The following BTBD8 variants were observed in gnomAD, a reference collection of about 807,000 sequenced individuals.
BTBD8 encodes the protein BTB domain containing 8.
In BTBD8, 110 loss-of-function variants were observed where a neutral mutation model predicts 162.9. The observed-to-expected ratio is 0.68, with a 90% confidence interval of 0.58 to 0.79. The LOEUF is 0.79. Among genes scored for constraint, BTBD8 ranks in the 30% least tolerant of loss-of-function variants. The pLI is 0.00. For missense variants in BTBD8, 1,905 were observed against 2,085.4 expected (o/e 0.91, Z 1.68); for synonymous variants, 667 against 716.1 (o/e 0.93, Z 1.10).
chr1:92,095,766 A>G (rs1648432493), intron 2 of BTBD8, among the ~76,000 whole-genome samples: 1 of 152,162 alleles, frequency 6.6e-6, no homozygotes, highest in South Asian at 2.1e-4. Flanking sequence ...CCTGTCTTCC[A>G]GTAATCTTGT....
At chr1:92,178,524 G>T (rs1462881743) in intron 16 of BTBD8, 73 bp downstream of exon 16, 2 of 1,247,354 alleles carry the variant, frequency 1.6e-6, no homozygotes, top group East Asian at 2.7e-5. Flanking sequence ...ACTCTGATTT[G>T]CAACTTCAGT....
At chr1:92,088,617 A>T in intron 1 of BTBD8, 81 bp from the exon 2 acceptor site, 1 of 1,146,624 alleles carries the variant, frequency 8.7e-7, no homozygotes, top group Non-Finnish European at 1.2e-6. Context: ...CTTATGTGTT[A>T]TTTTAAACCT....
Position 92,107,864 on chromosome 1 carries a change from CTTGT to C in BTBD8, c.545-17_545-14del. On this transcript the variant is annotated splice_polypyrimidine_tract_variant and intron_variant, in intron 3 of 17. Transcript: ENST00000636805. ...TTGTAATATTAAACTATTTTTTAGT[CTTGT>C]TTTTCTTTTTTAAAGATAATTATGA... 6.3e-7 allele frequency: 1 copy of C among 1,577,282 alleles called. No homozygotes were observed. The highest frequency in any genetic ancestry group is 1.8e-5 in the Admixed American group (1 of 54,134).
intron 2 of BTBD8, among the ~76,000 whole-genome samples, chr1:92,101,309 T>G (rs1261102429): frequency 2.0e-5 from 3 of 152,244 alleles, no homozygotes; most frequent in Admixed American, 2.0e-4. Context: ...GTATGGATAC[T>G]TGACATTGAT....
chr1:92,184,113 A>G lies in BTBD8; in HGVS notation c.5162A>G (p.Asp1721Gly). The change falls in exon 18 of 18, where the codon GAC becomes GGC. Residue 1721 changes from aspartate to glycine, a missense_variant. This residue lies in a region of BTBD8 where 517 missense variants were observed against 606.6 expected (regional missense o/e 0.85). Coordinates refer to ENST00000636805, the MANE Select transcript of BTBD8 (RefSeq NM_001376131.1). ...NLDVTNSVPE[D>G]LSLAQYLINQ... is the part of the protein sequence containing the mutation. Reference sequence around the variant, plus strand: ...GATGTTACAAATTCCGTTCCTGAAGACTTAAGTTTAGCACAGTATCTAATC... The same window carrying G: ...GATGTTACAAATTCCGTTCCTGAAGGCTTAAGTTTAGCACAGTATCTAATC... 1 of 1,551,664 alleles carries G rather than the reference A, an allele frequency of 6.4e-7. No homozygotes were observed. The highest frequency in any genetic ancestry group is 8.7e-7 in the Non-Finnish European group (1 of 1,146,886).
rs562422779 is a variant in BTBD8, at chr1:92,184,474, T to G, written c.*144T>G. 7 of 537,414 alleles carry G rather than the reference T, an allele frequency of 1.3e-5. No homozygotes were observed. The African/African-American group carries it at 1.3e-4, about 10-fold the overall frequency. 33.3% of individuals were successfully genotyped at this position (537,414 alleles called of 1,614,324 possible). ...TAATGAGGTAAACATAGTTTATTTA[T>G]TAATATATCACATATAGAAAAATGT... On this transcript the variant is annotated 3_prime_UTR_variant, in exon 18 of 18. Transcript: ENST00000636805.
intron 9 of BTBD8, among the ~76,000 whole-genome samples, chr1:92,160,231 T>C (rs1265756493): frequency 1.3e-5 from 2 of 152,134 alleles, no homozygotes; most frequent in African/African-American, 4.8e-5. Context: ...TTTTAAATAT[T>C]GTCTACCTCT....
chr1:92,095,823 G>A (rs1465098873), intron 2 of BTBD8, among the ~76,000 whole-genome samples: 1 of 152,050 alleles, frequency 6.6e-6, no homozygotes, highest in Non-Finnish European at 1.5e-5. Context: ...ATCCTAAATA[G>A]TGCTGTTATC....
At chr1:92,169,362 C>T (rs1048940689) in intron 12 of BTBD8, among the ~76,000 whole-genome samples, 1 of 152,090 alleles carries the variant, frequency 6.6e-6, no homozygotes, top group Non-Finnish European at 1.5e-5. Context: ...TATGTTTTGT[C>T]ATAAAGCTTT....
At chr1:92,163,480 AAAGAT>A (rs1650315297) in intron 9 of BTBD8, among the ~76,000 whole-genome samples, 1 of 151,846 alleles carries the variant, frequency 6.6e-6, no homozygotes, top group Admixed American at 6.6e-5. Flanking sequence ...AAATAACTGG[AAAGAT>A]AAGGGAAAAA....
chr1:92,122,067 A>G (rs141716462), intron 4 of BTBD8, among the ~76,000 whole-genome samples: 140 of 152,266 alleles, frequency 9.2e-4, no homozygotes, highest in Non-Finnish European at 1.5e-3. Flanking sequence ...AAATGGACTC[A>G]GACATACTGT....
chr1:92,081,693 C>T (rs868481974), intron 1 of BTBD8, among the ~76,000 whole-genome samples: 1 of 152,196 alleles, frequency 6.6e-6, no homozygotes, highest in African/African-American at 2.4e-5. Flanking sequence ...CCTGCCTCAA[C>T]CTCCCGAGTA....
At chr1:92,143,375 A>T (rs532644786) in intron 7 of BTBD8, among the ~76,000 whole-genome samples, 1 of 152,124 alleles carries the variant, frequency 6.6e-6, no homozygotes, top group Non-Finnish European at 1.5e-5. Flanking sequence ...TTTATTTTCA[A>T]TAATTCACTT....
At chr1:92,149,818 A>G (rs1476206453) in intron 9 of BTBD8, among the ~76,000 whole-genome samples, 1 of 152,130 alleles carries the variant, frequency 6.6e-6, no homozygotes, top group Non-Finnish European at 1.5e-5. Context: ...CCACAATGAA[A>G]GGCACCAGCA....
intron 9 of BTBD8, among the ~76,000 whole-genome samples, chr1:92,159,868 G>A (rs145505035): frequency 6.6e-4 from 100 of 152,142 alleles, no homozygotes; most frequent in African/African-American, 2.4e-3. Context: ...GTCTCACTGT[G>A]GATTTCTTTG....
intron 9 of BTBD8, among the ~76,000 whole-genome samples, chr1:92,152,838 C>T (rs1335144487): frequency 6.6e-6 from 1 of 152,130 alleles, no homozygotes; most frequent in African/African-American, 2.4e-5. Flanking sequence ...AGATAAACAT[C>T]AGAACAGCCA....
intron 9 of BTBD8, among the ~76,000 whole-genome samples, chr1:92,153,454 G>A (rs1316936555): frequency 6.6e-6 from 1 of 151,910 alleles, no homozygotes; most frequent in Non-Finnish European, 1.5e-5. Context: ...TCAATTACAG[G>A]CACACAGTTG....
At chr1:92,174,848 C>T (rs1008033728) in intron 13 of BTBD8, among the ~76,000 whole-genome samples, 5 of 152,032 alleles carry the variant, frequency 3.3e-5, no homozygotes, top group Non-Finnish European at 7.4e-5. Context: ...GTTTTATCAC[C>T]GTGCTTTCCT....
At chr1:92,087,051 G>T (rs1249609334) in intron 1 of BTBD8, among the ~76,000 whole-genome samples, 1 of 152,122 alleles carries the variant, frequency 6.6e-6, no homozygotes, top group Non-Finnish European at 1.5e-5. Context: ...TATTCGATGG[G>T]CCAATAAACT....
Sources: allele counts gnomAD v4.1 joint callset (sites outside exome capture counted in the v4.1 genomes callset), GRCh38; gene constraint gnomAD v4.1.1; regional missense constraint gnomAD v4.1.1; transcripts MANE v1.5; gene names NCBI Gene and HGNC (gene_info 2026-07-23, HGNC 2026-07-21).